DCDC2: variants seen among roughly 807,000 people sequenced by gnomAD.
DCDC2 encodes the protein doublecortin domain containing 2.
In DCDC2, 40 loss-of-function variants were observed where a neutral mutation model predicts 50.2. The observed-to-expected ratio is 0.80, with a 90% CI of 0.62 to 1.04. The LOEUF is 1.04. Ranked by LOEUF, DCDC2 falls within the 50% of genes least tolerant of loss-of-function variation. The pLI, the probability that DCDC2 is intolerant of heterozygous loss-of-function variation, is 0.00. For missense variants in DCDC2, 570 were observed against 581.9 expected (o/e 0.98, Z 0.21); for synonymous variants, 234 against 210.6 (o/e 1.11, Z -0.96).
intron 2 of DCDC2, among the ~76,000 whole-genome samples, chr6:24,335,099 A>G (rs1222919777): frequency 6.6e-6 from 1 of 152,202 alleles, no homozygotes; most frequent in Non-Finnish European, 1.5e-5. Context: ...GGCCTGATGT[A>G]AACTATCAGT....
chr6:24,176,295 C>CA (rs573726491), intron 9 of DCDC2, among the ~76,000 whole-genome samples: 105 of 143,282 alleles, frequency 7.3e-4, no homozygotes, highest in Non-Finnish European at 2.4e-4. Context: ...GACCTTGTCA[C>CA]AAAAAAAAAG....
intron 7 of DCDC2, among the ~76,000 whole-genome samples, chr6:24,269,088 G>C (rs973328026): frequency 3.3e-5 from 5 of 152,124 alleles, no homozygotes; most frequent in African/African-American, 1.2e-4. Flanking sequence ...AAAATAACTA[G>C]GGCAATAGAG....
the DCDC2 span, among the ~76,000 whole-genome samples, chr6:24,371,309 A>G: frequency 6.6e-6 from 1 of 150,642 alleles, no homozygotes; most frequent in Non-Finnish European, 1.5e-5. Context: ...GAAAAGAAAA[A>G]AAAGAACTAG....
Position 24,330,265 on chromosome 6 carries a change from T to TA in DCDC2, c.348+23303dup, listed in dbSNP as rs532126389. Among the ~76,000 whole-genome samples, 12 of 152,268 alleles carry TA rather than the reference T, an allele frequency of 7.9e-5. No individual in the cohort carries two copies. The East Asian group carries it at 2.3e-3, about 29-fold the overall frequency. On this transcript the variant is annotated intron_variant, in intron 2 of 9. Transcript: ENST00000378454. ...TGTTTGGATGGCTTGTTGTGGCAAT[T>TA]ACGTTTCCAGGTTACCAACTACCAA...
At chr6:24,291,954 A>G (rs1283771164) in intron 4 of DCDC2, among the ~76,000 whole-genome samples, 1 of 152,130 alleles carries the variant, frequency 6.6e-6, no homozygotes. Context: ...ACCCATTGCC[A>G]GTGTTAATGA....
At chr6:24,318,802 T>TGTGTGTGTGTGTGTG (rs1759720796) in intron 2 of DCDC2, among the ~76,000 whole-genome samples, 1 of 151,994 alleles carries the variant, frequency 6.6e-6, no homozygotes, top group Non-Finnish European at 1.5e-5. Context: ...TGTGTGTGTA[T>TGTGTGTGTGTGTGTG]TATATCACAT....
chr6:24,283,081 G>C (rs771648566), intron 6 of DCDC2, among the ~76,000 whole-genome samples: 2 of 152,100 alleles, frequency 1.3e-5, no homozygotes, highest in Non-Finnish European at 2.9e-5. Context: ...TCATTTAGTC[G>C]TTGGCTTTCA....
At chr6:24,262,936 CT>C (rs1358573574) in intron 7 of DCDC2, among the ~76,000 whole-genome samples, 1 of 152,216 alleles carries the variant, frequency 6.6e-6, no homozygotes, top group East Asian at 1.9e-4. Flanking sequence ...GTTGCCCTGG[CT>C]TTAGGTCTGA....
chr6:24,267,743 T>C (rs1763155629), intron 7 of DCDC2, among the ~76,000 whole-genome samples: 1 of 152,148 alleles, frequency 6.6e-6, no homozygotes, highest in South Asian at 2.1e-4. Context: ...AGAACAACCT[T>C]TGCAGGCTGG....
chr6:24,370,951 A>G, the DCDC2 span, among the ~76,000 whole-genome samples: 1,414 of 152,246 alleles, frequency 9.3e-3, 26 homozygotes, highest in African/African-American at 0.031. Flanking sequence ...TACAAACTGG[A>G]AGGTGATATT....
chr6:24,270,343 AG>A, intron 7 of DCDC2, among the ~76,000 whole-genome samples: 1 of 152,222 alleles, frequency 6.6e-6, no homozygotes, highest in East Asian at 1.9e-4. Flanking sequence ...ACAAAATATC[AG>A]ATTAGAATGC....
chr6:24,243,636 A>G (rs1158373032), intron 7 of DCDC2, among the ~76,000 whole-genome samples: 1 of 152,202 alleles, frequency 6.6e-6, no homozygotes. Flanking sequence ...TGGAGCTGAG[A>G]GGCTAGTTTG....
chr6:24,173,071 C>A lies in DCDC2; in HGVS notation c.*1659G>T, dbSNP rs1269915199. The A allele has an allele frequency of 6.6e-6, 1 of 151,496 alleles. No individual in the cohort carries two copies. Among genetic ancestry groups the A allele is most frequent in the African/African-American group, 2.4e-5 (1 of 41,288 alleles). 9.4% of individuals were successfully genotyped at this position (151,496 alleles called of 1,614,324 possible). On this transcript the variant is annotated 3_prime_UTR_variant, in exon 10 of 10. Transcript: ENST00000378454. ...CAACCCAAGATTGTTGCTTATAGCCCACAGTGCTTTATATCATCCCATTTG... is the reference window on the plus strand; with the variant it reads ...CAACCCAAGATTGTTGCTTATAGCCAACAGTGCTTTATATCATCCCATTTG...
intron 1 of DCDC2, 155 bp downstream of exon 1, chr6:24,357,303 C>CA: frequency 1.2e-6 from 1 of 852,342 alleles, no homozygotes; most frequent in Non-Finnish European, 1.7e-6. Context: ...CTCTACCCCC[C>CA]AACTGCAACG....
At chr6:24,281,343 G>C (rs912158003) in intron 6 of DCDC2, among the ~76,000 whole-genome samples, 1 of 148,220 alleles carries the variant, frequency 6.7e-6, no homozygotes, top group East Asian at 1.9e-4. Flanking sequence ...TAATTGAAAT[G>C]CTTTTTTTTT....
intron 8 of DCDC2, among the ~76,000 whole-genome samples, chr6:24,190,210 G>A (rs1017825411): frequency 3.9e-5 from 6 of 152,046 alleles, no homozygotes; most frequent in South Asian, 2.1e-4. Flanking sequence ...TGTCTCACCC[G>A]GGTCCCTTTA....
At chr6:24,371,666 C>T in the DCDC2 span, among the ~76,000 whole-genome samples, 12 of 152,134 alleles carry the variant, frequency 7.9e-5, no homozygotes, top group African/African-American at 2.9e-4. Flanking sequence ...GCAAAAGATA[C>T]TACCATCAGA....
chr6:24,303,622 T>G (rs1006342075), intron 2 of DCDC2, among the ~76,000 whole-genome samples: 2 of 152,182 alleles, frequency 1.3e-5, no homozygotes, highest in Non-Finnish European at 2.9e-5. Flanking sequence ...TTTTACCCCA[T>G]GATTTGAAAG....
intron 6 of DCDC2, among the ~76,000 whole-genome samples, chr6:24,282,088 C>T (rs1763486765): frequency 6.6e-6 from 1 of 152,106 alleles, no homozygotes; most frequent in African/African-American, 2.4e-5. Context: ...GTGTCCTATG[C>T]AAAAACTAGA....
Sources: gnomAD v4.1 joint callset for allele counts (sites outside exome capture counted in the v4.1 genomes callset) on GRCh38, gnomAD v4.1.1 for gene constraint, MANE v1.5 for transcripts, NCBI Gene and HGNC (gene_info 2026-07-23, HGNC 2026-07-21) for gene names.